OPCML: variants seen among roughly 807,000 people sequenced by gnomAD.
OPCML encodes the protein opioid binding protein/cell adhesion molecule like.
Under a neutral mutation model 37.8 loss-of-function variants are expected in OPCML, and 13 were observed. The ratio of observed to expected loss-of-function variants is 0.34; its 90% CI spans 0.22 to 0.55. The LOEUF (loss-of-function observed/expected upper bound fraction) is 0.55, where lower values mean the gene tolerates loss of function less well. OPCML is among the 20% of genes least tolerant of loss of function. The probability of loss-of-function intolerance (pLI) is 0.91; values close to 1 mark genes in which losing one functional copy is unlikely to be tolerated. For synonymous variants in OPCML, 176 were observed against 168.8 expected, an observed-to-expected ratio of 1.04 and a Z score of -0.33; for missense variants, 341 against 435.6, an observed-to-expected ratio of 0.78 and a Z score of 1.93.
At chr11:133,476,445 T>C (rs1253042758) in intron 1 of OPCML, among the ~76,000 whole-genome samples, 1 of 152,044 alleles carries the variant, frequency 6.6e-6, no homozygotes, top group Non-Finnish European at 1.5e-5. Flanking sequence ...TTAGTATCAG[T>C]GAAAATGGGC....
chr11:132,836,477 T>G (rs1941007897), intron 2 of OPCML, among the ~76,000 whole-genome samples: 1 of 152,122 alleles, frequency 6.6e-6, no homozygotes, highest in Non-Finnish European at 1.5e-5. Flanking sequence ...GCATATGAGA[T>G]TTTAATGGCA....
chr11:133,290,659 G>A (rs1340291087), intron 1 of OPCML, among the ~76,000 whole-genome samples: 3 of 152,200 alleles, frequency 2.0e-5, no homozygotes, highest in Non-Finnish European at 4.4e-5. Context: ...CCAGACAACA[G>A]AAGGAGGAGA....
intron 1 of OPCML, among the ~76,000 whole-genome samples, chr11:133,061,402 G>A (rs1289280288): frequency 6.6e-6 from 1 of 152,202 alleles, no homozygotes; most frequent in Non-Finnish European, 1.5e-5. Flanking sequence ...CTGGATATGG[G>A]GAGAAGGGAA....
chr11:132,800,523 T>G (rs1938579877), intron 2 of OPCML, among the ~76,000 whole-genome samples: 1 of 152,208 alleles, frequency 6.6e-6, no homozygotes, highest in African/African-American at 2.4e-5. Context: ...CATTTCACCA[T>G]GAAGTATGAT....
At chr11:132,922,509 G>A (rs1412237227) in intron 2 of OPCML, among the ~76,000 whole-genome samples, 1 of 151,906 alleles carries the variant, frequency 6.6e-6, no homozygotes, top group Non-Finnish European at 1.5e-5. Context: ...AGGAGACCCC[G>A]AGGAAAGAGG....
chr11:133,003,964 A>C (rs1947058454), intron 1 of OPCML: 13 of 985,440 alleles, frequency 1.3e-5, no homozygotes, highest in Non-Finnish European at 1.6e-5. Flanking sequence ...TCCCGTGGGC[A>C]GCAGATCCCT....
At chr11:133,525,887 A>G (rs1158436815) in intron 1 of OPCML, among the ~76,000 whole-genome samples, 2 of 152,292 alleles carry the variant, frequency 1.3e-5, no homozygotes, top group East Asian at 3.9e-4. Context: ...GCATCAATTC[A>G]TCTTGGCCTT....
intron 2 of OPCML, among the ~76,000 whole-genome samples, chr11:132,839,278 A>G (rs543396131): frequency 6.6e-6 from 1 of 152,252 alleles, no homozygotes; most frequent in African/African-American, 2.4e-5. Context: ...AGCCCCACTC[A>G]CGGGCTGCAT....
At chr11:133,049,435 A>T (rs146993460) in intron 1 of OPCML, among the ~76,000 whole-genome samples, 104 of 152,250 alleles carry the variant, frequency 6.8e-4, no homozygotes, top group African/African-American at 2.4e-3. Context: ...CCTCCCACTC[A>T]CTAATCACGT....
intron 1 of OPCML, among the ~76,000 whole-genome samples, chr11:133,241,207 C>G (rs1940718987): frequency 6.6e-6 from 1 of 152,206 alleles, no homozygotes; most frequent in Non-Finnish European, 1.5e-5. Context: ...TTGTAACATC[C>G]AATGCTTCCT....
chr11:133,085,546 A>G (rs1170035418), intron 1 of OPCML, among the ~76,000 whole-genome samples: 1 of 152,236 alleles, frequency 6.6e-6, no homozygotes, highest in Non-Finnish European at 1.5e-5. Context: ...TGGCAAGACA[A>G]ACCTTACCTA....
chr11:133,499,875 T>TA (rs71477802), intron 1 of OPCML, among the ~76,000 whole-genome samples: 31,848 of 111,638 alleles, frequency 0.29, 4,320 homozygotes, highest in African/African-American at 0.44. Flanking sequence ...TATATATATA[T>TA]TTTTTTTTTT....
intron 3 of OPCML, among the ~76,000 whole-genome samples, chr11:132,609,697 G>A (rs1183204375): frequency 6.6e-6 from 1 of 152,112 alleles, no homozygotes; most frequent in Non-Finnish European, 1.5e-5. Context: ...AAAGTTCATT[G>A]TTCCTTCTTT....
chr11:133,076,711 A>G (rs1471713613), intron 1 of OPCML, among the ~76,000 whole-genome samples: 4 of 151,552 alleles, frequency 2.6e-5, no homozygotes, highest in African/African-American at 7.3e-5. Flanking sequence ...CATCATTGTC[A>G]TCATCATCAT....
chr11:133,021,805 G>A (rs1364828578), intron 1 of OPCML, among the ~76,000 whole-genome samples: 1 of 30,462 alleles, frequency 3.3e-5, no homozygotes, highest in African/African-American at 3.0e-4. Flanking sequence ...CAGCAAATTA[G>A]CACACCCTCA....
intron 2 of OPCML, among the ~76,000 whole-genome samples, chr11:132,901,689 A>C (rs1457457845): frequency 6.6e-6 from 1 of 152,168 alleles, no homozygotes; most frequent in Non-Finnish European, 1.5e-5. Context: ...GTGCGTCCTC[A>C]GCTTTTCACC....
chr11:132,865,001 A>G (rs11605454), intron 2 of OPCML, among the ~76,000 whole-genome samples: 10,483 of 152,308 alleles, frequency 0.069, 472 homozygotes, highest in East Asian at 0.15. Flanking sequence ...AGGGCGATAG[A>G]GCCGGCACTT....
At chr11:132,645,448 T>A (rs1941099227) in intron 3 of OPCML, among the ~76,000 whole-genome samples, 1 of 152,230 alleles carries the variant, frequency 6.6e-6, no homozygotes, top group Non-Finnish European at 1.5e-5. Context: ...TTTTTATGGA[T>A]TAATAACCTT....
chr11:133,148,969 A>C (rs964405844), intron 1 of OPCML, among the ~76,000 whole-genome samples: 1 of 152,146 alleles, frequency 6.6e-6, no homozygotes, highest in Non-Finnish European at 1.5e-5. Context: ...CTTGAGAAGG[A>C]GAGAGGGGTT....
Sources: allele counts gnomAD v4.1 joint callset (sites outside exome capture counted in the v4.1 genomes callset), GRCh38; gene constraint gnomAD v4.1.1; transcripts MANE v1.5; gene names NCBI Gene and HGNC (gene_info 2026-07-23, HGNC 2026-07-21).